The following RAPGEF6 variants were observed in gnomAD, a reference collection of about 807,000 sequenced individuals.
RAPGEF6 encodes the protein PDZ domain containing guanine nucleotide exchange factor (GEF) 2.
A neutral mutation model predicts 171.4 loss-of-function variants in RAPGEF6; 56 were observed. The observed-to-expected ratio is 0.33, with a 90% confidence interval of 0.26 to 0.41. The LOEUF (loss-of-function observed/expected upper bound fraction) is 0.41, where lower values mean the gene tolerates loss of function less well. Among genes scored for constraint, RAPGEF6 ranks in the 10% least tolerant of loss-of-function variants. RAPGEF6 has a pLI of 1.00. For synonymous variants in RAPGEF6, 692 were observed against 650.1 expected, an observed-to-expected ratio of 1.06 and a Z score of -0.98; for missense variants, 1,674 against 1,921.4, an observed-to-expected ratio of 0.87 and a Z score of 2.41.
rs964560912 is a variant in RAPGEF6, at chr5:131,509,468, G to A, written c.805+846C>T. Among the ~76,000 whole-genome samples, 8 of 152,028 alleles carry A rather than the reference G, an allele frequency of 5.3e-5. No homozygotes were observed. In the South Asian group the frequency reaches 6.2e-4, roughly 12 times the overall value. On this transcript the variant is annotated intron_variant, in intron 8 of 27. Transcript: ENST00000509018. The stretch of plus-strand genomic sequence containing the variant: ...TGAGGCAGGAGAATGGCGTGAACCC[G>A]GGAGGCGGAGCTTGCAGTGAGCCAA...
At chr5:131,531,614 T>C (rs1374407883) in intron 6 of RAPGEF6, among the ~76,000 whole-genome samples, 1 of 152,212 alleles carries the variant, frequency 6.6e-6, no homozygotes. Flanking sequence ...GAGTATTTTC[T>C]TCATATTATT....
intron 5 of RAPGEF6, among the ~76,000 whole-genome samples, chr5:131,560,659 A>C (rs1196325181): frequency 6.6e-6 from 1 of 152,212 alleles, no homozygotes; most frequent in African/African-American, 2.4e-5. Context: ...GAAACAATAC[A>C]TACTCCATCC....
At chr5:131,565,402 A>G (rs1284911177) in intron 4 of RAPGEF6, among the ~76,000 whole-genome samples, 2 of 152,228 alleles carry the variant, frequency 1.3e-5, no homozygotes, top group African/African-American at 2.4e-5. Context: ...TATCTTGTTT[A>G]TGGATTAAAA....
At chr5:131,469,931 T>A in intron 17 of RAPGEF6, 1 of 714,212 alleles carries the variant, frequency 1.4e-6, no homozygotes, top group Non-Finnish European at 2.2e-6. Flanking sequence ...AAATGAAGGA[T>A]AAATATAGGT....
chr5:131,530,141 G>GA (rs570777912), intron 6 of RAPGEF6, among the ~76,000 whole-genome samples: 105 of 93,742 alleles, frequency 1.1e-3, no homozygotes, highest in Admixed American at 2.0e-3. Context: ...CATCTCTTAA[G>GA]AAAAAAAAAA....
chr5:131,550,557 T>C (rs1451203143), intron 5 of RAPGEF6, among the ~76,000 whole-genome samples: 4 of 152,262 alleles, frequency 2.6e-5, no homozygotes, highest in Non-Finnish European at 5.9e-5. Context: ...TGACTATTCA[T>C]GTGCCCCTAT....
chr5:131,450,641 T>G (rs558990085), intron 21 of RAPGEF6, among the ~76,000 whole-genome samples: 5 of 152,276 alleles, frequency 3.3e-5, no homozygotes, highest in Admixed American at 3.3e-4. Context: ...TGACTAAAGA[T>G]TCTATTTTTT....
chr5:131,604,546 G>A (rs918723307), intron 2 of RAPGEF6, 77 bp downstream of exon 2: 5 of 1,486,198 alleles, frequency 3.4e-6, no homozygotes, highest in East Asian at 4.6e-5. Context: ...GAATATAAAG[G>A]TGCTTAACAA....
intron 15 of RAPGEF6, among the ~76,000 whole-genome samples, chr5:131,487,046 C>T (rs887553559): frequency 1.3e-5 from 2 of 152,112 alleles, no homozygotes; most frequent in African/African-American, 4.8e-5. Flanking sequence ...TTGGTTCCTT[C>T]CGGTGGGTTC....
intron 6 of RAPGEF6, among the ~76,000 whole-genome samples, chr5:131,545,394 T>C (rs1169455302): frequency 6.6e-6 from 1 of 152,042 alleles, no homozygotes; most frequent in African/African-American, 2.4e-5. Flanking sequence ...AAGTAGATGA[T>C]GGTTTACACA....
At chr5:131,563,909 T>A (rs1230091573) in intron 4 of RAPGEF6, among the ~76,000 whole-genome samples, 1 of 152,164 alleles carries the variant, frequency 6.6e-6, no homozygotes, top group Non-Finnish European at 1.5e-5. Flanking sequence ...TTTGCTTTCA[T>A]GCAAGATGGA....
chr5:131,459,328 G>T (rs554037611), intron 19 of RAPGEF6, among the ~76,000 whole-genome samples: 2 of 152,132 alleles, frequency 1.3e-5, no homozygotes, highest in Non-Finnish European at 2.9e-5. Flanking sequence ...AAAAAATGTT[G>T]TCTAGGGTGT....
At chr5:131,624,622 A>AAAAC (rs149821127) in intron 1 of RAPGEF6, among the ~76,000 whole-genome samples, 9,766 of 152,034 alleles carry the variant, frequency 0.064, 593 homozygotes, top group African/African-American at 0.16. Context: ...CTTTAAAAAC[A>AAAAC]AAACAAACAA....
intron 14 of RAPGEF6, among the ~76,000 whole-genome samples, chr5:131,492,200 A>G (rs182745178): frequency 1.3e-5 from 2 of 152,166 alleles, no homozygotes; most frequent in African/African-American, 4.8e-5. Context: ...ATTTGAGAGT[A>G]CTATGAGGTA....
intron 1 of RAPGEF6, among the ~76,000 whole-genome samples, chr5:131,622,003 T>C (rs1765621047): frequency 6.6e-6 from 1 of 152,212 alleles, no homozygotes; most frequent in Non-Finnish European, 1.5e-5. Context: ...GGAAGAACTA[T>C]CTTTAATCTT....
At chr5:131,578,724 C>G (rs1205226523) in intron 4 of RAPGEF6, among the ~76,000 whole-genome samples, 1 of 152,188 alleles carries the variant, frequency 6.6e-6, no homozygotes, top group Admixed American at 6.5e-5. Flanking sequence ...CCCAGTCACG[C>G]ACATTAACAA....
At chr5:131,594,105 T>C (rs1382372186) in intron 3 of RAPGEF6, among the ~76,000 whole-genome samples, 1 of 152,194 alleles carries the variant, frequency 6.6e-6, no homozygotes, top group Non-Finnish European at 1.5e-5. Context: ...CCAAAAATGA[T>C]TCATGGGCTG....
chr5:131,508,082 C>T lies in RAPGEF6; in HGVS notation c.931G>A (p.Asp311Asn). The change falls in exon 9 of 28, where the codon GAT becomes AAT. Residue 311 changes from aspartate to asparagine, a missense_variant. By Grantham distance (23) the Asp-to-Asn change is conservative (BLOSUM62 1). Coordinates refer to ENST00000509018, the MANE Select transcript of RAPGEF6 (RefSeq NM_016340.6). Reference sequence around the variant, plus strand: ...ATTTATTGACCTACCTCTTGCCCATCTTCAAGAATAATAGCTCCAGCCTGC... The same window carrying T: ...ATTTATTGACCTACCTCTTGCCCATTTTCAAGAATAATAGCTCCAGCCTGC... ...VEQAGAIILE[D>N]GQELDSWYVI... is the part of the protein sequence containing the mutation. The T allele has an allele frequency of 6.2e-7, 1 of 1,603,220 alleles. No homozygotes were observed.
chr5:131,428,512 G>A (rs1445272079), intron 27 of RAPGEF6, among the ~76,000 whole-genome samples: 1 of 151,526 alleles, frequency 6.6e-6, no homozygotes, highest in East Asian at 1.9e-4. Context: ...CCAGGCTGGA[G>A]TGCAATGGTG....
Sources: gnomAD v4.1 joint callset for allele counts (sites outside exome capture counted in the v4.1 genomes callset) on GRCh38, gnomAD v4.1.1 for gene constraint, MANE v1.5 for transcripts, NCBI Gene and HGNC (gene_info 2026-07-23, HGNC 2026-07-21) for gene names.